Variants in PLEKHA7 observed in about 807,000 individuals in gnomAD.
The protein encoded by PLEKHA7 is pleckstrin homology domain containing A7.
In PLEKHA7, 104 loss-of-function variants were observed where a neutral mutation model predicts 170.0. The ratio of observed to expected loss-of-function variants is 0.61; its 90% CI spans 0.52 to 0.72. The LOEUF (loss-of-function observed/expected upper bound fraction) is 0.72. Among genes scored for constraint, PLEKHA7 ranks in the 30% least tolerant of loss-of-function variants. PLEKHA7 has a pLI of 0.00. For synonymous variants in PLEKHA7, 648 were observed against 660.8 expected (o/e 0.98, Z 0.30); for missense variants, 1,615 against 1,671.7 (o/e 0.97, Z 0.59).
At chr11:16,859,269 A>G (rs1414679591) in intron 4 of PLEKHA7, among the ~76,000 whole-genome samples, 10 of 152,222 alleles carry the variant, frequency 6.6e-5, no homozygotes, top group Admixed American at 6.5e-4. Flanking sequence ...CAGCCTTCAG[A>G]GGATGTTTCT....
intron 8 of PLEKHA7, among the ~76,000 whole-genome samples, chr11:16,846,130 C>T (rs1439433193): frequency 6.6e-6 from 1 of 151,922 alleles, no homozygotes; most frequent in Non-Finnish European, 1.5e-5. Flanking sequence ...ACTAAAAACA[C>T]AAAAATTAGC....
intron 13 of PLEKHA7, among the ~76,000 whole-genome samples, chr11:16,806,479 G>A (rs186603323): frequency 5.4e-4 from 83 of 152,296 alleles, no homozygotes; most frequent in African/African-American, 1.1e-3. Context: ...CATCAGAGGG[G>A]AATCAAAGGC....
At chr11:16,899,485 C>T (rs1251894277) in intron 3 of PLEKHA7, among the ~76,000 whole-genome samples, 2 of 151,962 alleles carry the variant, frequency 1.3e-5, no homozygotes, top group South Asian at 2.1e-4. Context: ...GCAAAAAGAG[C>T]GAAACTCCAT....
chr11:16,966,127 G>A (rs1862356523), intron 3 of PLEKHA7, among the ~76,000 whole-genome samples: 4 of 152,162 alleles, frequency 2.6e-5, no homozygotes, highest in Admixed American at 2.6e-4. Context: ...GGGTTGCAGT[G>A]AGCTGAGATC....
chr11:16,919,616 A>T (rs2136228031), intron 3 of PLEKHA7, among the ~76,000 whole-genome samples: 1 of 152,276 alleles, frequency 6.6e-6, no homozygotes, highest in Non-Finnish European at 1.5e-5. Context: ...GTGAGCTATG[A>T]TCACACCACT....
chr11:16,803,469 A>G (rs1357036920), intron 13 of PLEKHA7, 174 bp from the exon 14 acceptor site: 1 of 620,284 alleles, frequency 1.6e-6, no homozygotes, highest in East Asian at 2.8e-5. Context: ...TGCCTATTTC[A>G]TTTTAGGAAA....
chr11:17,005,662 T>C (rs1016614989), intron 3 of PLEKHA7, among the ~76,000 whole-genome samples: 1 of 152,140 alleles, frequency 6.6e-6, no homozygotes, highest in Non-Finnish European at 1.5e-5. Flanking sequence ...TAAAACACAC[T>C]CCTCTCATGG....
At position 16,994,895 on chromosome 11, in the gene PLEKHA7, G is replaced by A. The variant is rs561279818; in HGVS notation, c.221+19094C>T. Among the ~76,000 whole-genome samples, 39 of 152,240 alleles carry A rather than the reference G, an allele frequency of 2.6e-4. 1 individual carries two copies. Among genetic ancestry groups the A allele is most frequent in the Admixed American group, 2.2e-3 (34 of 15,284 alleles). ...TTGACATGGCTGTGTCCCCACCAGA[G>A]CACAGGCTCCTGGGCTCCTTGAGGA... On this transcript the variant is annotated intron_variant, in intron 3 of 26. Transcript: ENST00000531066.
chr11:16,782,956 T>C, intron 25 of PLEKHA7, 60 bp from the exon 26 acceptor site: 1 of 1,505,444 alleles, frequency 6.6e-7, no homozygotes, highest in Non-Finnish European at 8.9e-7. Flanking sequence ...GCCTCAGGAG[T>C]GGAGGGTCTC....
chr11:16,995,785 A>G (rs564093513), intron 3 of PLEKHA7, among the ~76,000 whole-genome samples: 69 of 152,314 alleles, frequency 4.5e-4, no homozygotes, highest in Non-Finnish European at 7.6e-4. Flanking sequence ...AACCTTTGCT[A>G]CAACTATATC....
At chr11:16,974,391 C>A (rs1255233081) in intron 3 of PLEKHA7, among the ~76,000 whole-genome samples, 2 of 151,338 alleles carry the variant, frequency 1.3e-5, no homozygotes, top group Non-Finnish European at 2.9e-5. Context: ...TGCTAATTAG[C>A]AGATACTGAA....
intron 3 of PLEKHA7, among the ~76,000 whole-genome samples, chr11:16,959,249 A>G (rs1474269075): frequency 1.3e-5 from 2 of 151,964 alleles, no homozygotes; most frequent in Non-Finnish European, 2.9e-5. Context: ...GGTAGACCCC[A>G]GTGTCTGTTG....
chr11:17,011,822 T>C (rs1202249636), intron 3 of PLEKHA7, among the ~76,000 whole-genome samples: 1 of 152,126 alleles, frequency 6.6e-6, no homozygotes, highest in African/African-American at 2.4e-5. Flanking sequence ...TACTCATATC[T>C]CAAATGTAAG....
chr11:16,795,076 G>A, intron 17 of PLEKHA7, 58 bp from the exon 18 acceptor site: 1 of 1,244,538 alleles, frequency 8.0e-7, no homozygotes, highest in South Asian at 1.2e-5. Context: ...TTCTTCTTAG[G>A]ACTTATCCTA....
chr11:16,839,573 G>C (rs544012448), intron 9 of PLEKHA7, among the ~76,000 whole-genome samples: 1 of 151,796 alleles, frequency 6.6e-6, no homozygotes, highest in African/African-American at 2.4e-5. Context: ...TATTTAGAGA[G>C]GGAAAAAAGG....
At chr11:16,986,561 T>G (rs559653245) in intron 3 of PLEKHA7, among the ~76,000 whole-genome samples, 1 of 152,060 alleles carries the variant, frequency 6.6e-6, no homozygotes, top group Non-Finnish European at 1.5e-5. Flanking sequence ...AAGGAGGAAG[T>G]CAGGGGAGAG....
intron 15 of PLEKHA7, among the ~76,000 whole-genome samples, chr11:16,802,660 G>T (rs903362132): frequency 6.6e-6 from 1 of 151,834 alleles, no homozygotes. Flanking sequence ...CAATTCTTCT[G>T]CCTCAGCCTC....
chr11:16,924,798 C>A (rs1859379050), intron 3 of PLEKHA7, among the ~76,000 whole-genome samples: 1 of 152,210 alleles, frequency 6.6e-6, no homozygotes, highest in Admixed American at 6.5e-5. Context: ...GATTTCCTCT[C>A]TCCAGCTTAG....
rs577204867 is a variant in PLEKHA7, at chr11:16,837,708, G to A, written c.872+3839C>T. Among the ~76,000 whole-genome samples, 8 of 152,302 alleles carry A rather than the reference G, an allele frequency of 5.3e-5. No individual in the cohort carries two copies. The South Asian group carries it at 1.7e-3, about 32-fold the overall frequency. The stretch of plus-strand genomic sequence containing the variant: ...GGGTTTAAAAAAAAGAGATGTAGGT[G>A]TCTCTGCTTAGGGAAGATGACCCAG... On this transcript the variant is annotated intron_variant, in intron 9 of 26. Coordinates refer to ENST00000531066, the MANE Select transcript of PLEKHA7 (RefSeq NM_001329630.2).
Sources: gnomAD v4.1 joint callset for allele counts (sites outside exome capture counted in the v4.1 genomes callset) on GRCh38, gnomAD v4.1.1 for gene constraint, MANE v1.5 for transcripts, NCBI Gene and HGNC (gene_info 2026-07-23, HGNC 2026-07-21) for gene names.